The following SEMA5A variants were observed in gnomAD, a reference collection of about 807,000 sequenced individuals.
SEMA5A encodes the protein semaphorin 5A, also known as semaphorin-5A.
Under a neutral mutation model 135.5 loss-of-function variants are expected in SEMA5A, and 55 were observed. That is an observed-to-expected ratio of 0.41 (90% CI 0.33 to 0.51). The LOEUF is 0.51. SEMA5A is among the 20% of genes least tolerant of loss of function. The pLI is 0.37. For missense variants in SEMA5A, 1,290 were observed against 1,419.9 expected, an observed-to-expected ratio of 0.91 and a Z score of 1.47; for synonymous variants, 580 against 546.5, an observed-to-expected ratio of 1.06 and a Z score of -0.85.
chr5:9,479,906 T>G lies in SEMA5A; in HGVS notation c.-174-42054A>C, dbSNP rs866992821. On this transcript the variant is annotated intron_variant, in intron 1 of 22. Transcript: ENST00000382496. ...TCACCTCTAAGGTGGTGGAGGTAAT[T>G]CATCAGTATAACAGGCACTCACAAA... Among the ~76,000 whole-genome samples the G allele has an allele frequency of 6.6e-5, 10 of 152,340 alleles. No homozygotes were observed. The South Asian group carries it at 2.1e-3, about 32-fold the overall frequency.
intron 1 of SEMA5A, among the ~76,000 whole-genome samples, chr5:9,480,372 T>A (rs1178615006): frequency 7.9e-5 from 12 of 152,258 alleles, no homozygotes; most frequent in Non-Finnish European, 1.8e-4. Flanking sequence ...TTAGAGCAAT[T>A]TACAACTGAC....
intron 5 of SEMA5A, among the ~76,000 whole-genome samples, chr5:9,252,317 C>A (rs1159724960): frequency 6.6e-6 from 1 of 152,140 alleles, no homozygotes; most frequent in Non-Finnish European, 1.5e-5. Flanking sequence ...TTCCCCCATT[C>A]CCACCCTGTA....
At chr5:9,414,393 G>C (rs760223969) in intron 2 of SEMA5A, among the ~76,000 whole-genome samples, 42 of 152,144 alleles carry the variant, frequency 2.8e-4, no homozygotes, top group Non-Finnish European at 5.1e-4. Context: ...CACTAAATGA[G>C]CATAAAATAA....
rs188920952 is a variant in SEMA5A at position 9,101,562 on chromosome 5, G to C, written c.2073+6578C>G. On this transcript the variant is annotated intron_variant, in intron 16 of 22. Transcript: ENST00000382496. ...ATTCTGTATGTTTTCAGTGGAGTTA[G>C]AGTCAACTATTTTATGTATTTCTTA... 7.2e-4 allele frequency among the ~76,000 whole-genome samples: 110 copies of C among 152,246 alleles called. 1 individual carries two copies. The highest frequency in any genetic ancestry group is 7.2e-3 in the Admixed American group (110 of 15,288).
Position 9,458,939 on chromosome 5 carries a change from C to A in SEMA5A, c.-174-21087G>T, listed in dbSNP as rs571954278. Among the ~76,000 whole-genome samples the A allele has an allele frequency of 2.0e-5, 3 of 152,268 alleles. No homozygotes were observed. The East Asian group carries it at 5.8e-4, about 29-fold the overall frequency. ...TCAGCTTCAGTTAGAATAAGGTAAG[C>A]TGTGTTGTAGGAAAACTGATTCAAG... On this transcript the variant is annotated intron_variant, in intron 1 of 22. Coordinates refer to ENST00000382496, the MANE Select transcript of SEMA5A (RefSeq NM_003966.3).
intron 5 of SEMA5A, among the ~76,000 whole-genome samples, chr5:9,243,171 A>T (rs186627813): frequency 1.3e-5 from 2 of 152,292 alleles, no homozygotes; most frequent in East Asian, 3.9e-4. Flanking sequence ...ACAGTTCTGG[A>T]GGCTCGTTGG....
chr5:9,146,238 C>T (rs1006707127), intron 12 of SEMA5A, among the ~76,000 whole-genome samples: 3 of 152,156 alleles, frequency 2.0e-5, no homozygotes, highest in Admixed American at 1.3e-4. Context: ...TCCTAATTAG[C>T]ACTTACCACT....
intron 1 of SEMA5A, chr5:9,498,739 G>A (rs989820200): frequency 6.6e-6 from 1 of 151,702 alleles, no homozygotes; most frequent in Non-Finnish European, 1.5e-5. Context: ...AACCAACTAT[G>A]ACCCAGTAAC....
chr5:9,152,760 G>A (rs1742698121), intron 12 of SEMA5A, among the ~76,000 whole-genome samples: 1 of 152,144 alleles, frequency 6.6e-6, no homozygotes, highest in African/African-American at 2.4e-5. Context: ...AAATACTTTT[G>A]CGACCTGGGT....
chr5:9,330,411 G>A (rs1248563703), intron 4 of SEMA5A, among the ~76,000 whole-genome samples: 4 of 132,804 alleles, frequency 3.0e-5, no homozygotes, highest in Non-Finnish European at 4.5e-5. Context: ...AAAAAGTACA[G>A]ATTAGTTTTT....
chr5:9,226,010 T>C (rs1747289800), intron 7 of SEMA5A, among the ~76,000 whole-genome samples: 1 of 152,146 alleles, frequency 6.6e-6, no homozygotes, highest in African/African-American at 2.4e-5. Flanking sequence ...AGAGTAGCGA[T>C]CTTGTGGGGC....
intron 1 of SEMA5A, among the ~76,000 whole-genome samples, chr5:9,535,970 C>A (rs1737743948): frequency 6.6e-6 from 1 of 152,082 alleles, no homozygotes; most frequent in Non-Finnish European, 1.5e-5. Context: ...TCTATAGGCG[C>A]CAACATGAAA....
intron 7 of SEMA5A, 123 bp from the exon 8 acceptor site, chr5:9,225,010 C>T: frequency 1.3e-6 from 1 of 783,584 alleles, no homozygotes. Flanking sequence ...GCCCATGGGG[C>T]AAGATGACCA....
intron 1 of SEMA5A, among the ~76,000 whole-genome samples, chr5:9,515,486 G>A (rs1054646045): frequency 5.9e-5 from 9 of 152,168 alleles, no homozygotes; most frequent in Non-Finnish European, 1.0e-4. Flanking sequence ...AAATGCATGT[G>A]TAATATGGTT....
intron 21 of SEMA5A, among the ~76,000 whole-genome samples, chr5:9,046,761 T>C (rs1465218067): frequency 1.3e-5 from 2 of 152,210 alleles, no homozygotes; most frequent in African/African-American, 4.8e-5. Context: ...ACCCAGGACT[T>C]TGGAGCTGGA....
intron 11 of SEMA5A, among the ~76,000 whole-genome samples, chr5:9,174,274 C>T (rs1461659159): frequency 6.6e-6 from 1 of 152,126 alleles, no homozygotes; most frequent in African/African-American, 2.4e-5. Flanking sequence ...AGTTTTTTTC[C>T]ACTAATGACT....
chr5:9,400,414 G>A (rs1339403392), intron 2 of SEMA5A, among the ~76,000 whole-genome samples: 2 of 150,644 alleles, frequency 1.3e-5, no homozygotes, highest in African/African-American at 4.9e-5. Context: ...AGAATAATTT[G>A]ATCAATTTAG....
chr5:9,414,588 C>T (rs1024397535), intron 2 of SEMA5A, among the ~76,000 whole-genome samples: 1 of 152,190 alleles, frequency 6.6e-6, no homozygotes, highest in East Asian at 1.9e-4. Context: ...TGGCAATGAC[C>T]TTTACTAGAA....
chr5:9,149,789 A>G (rs1180187688), intron 12 of SEMA5A, among the ~76,000 whole-genome samples: 3 of 152,238 alleles, frequency 2.0e-5, no homozygotes, highest in Non-Finnish European at 4.4e-5. Context: ...GGAGAAAATA[A>G]CAACCTGATT....
Sources: allele counts gnomAD v4.1 joint callset (sites outside exome capture counted in the v4.1 genomes callset), GRCh38; gene constraint gnomAD v4.1.1; transcripts MANE v1.5; gene names NCBI Gene and HGNC (gene_info 2026-07-23, HGNC 2026-07-21).